The following KCTD16 variants were observed in gnomAD, a reference collection of about 807,000 sequenced individuals.
KCTD16 encodes the protein potassium channel tetramerization domain containing 16.
A neutral mutation model predicts 33.2 loss-of-function variants in KCTD16; 13 were observed. That is an observed-to-expected ratio of 0.39 (90% CI 0.25 to 0.62). The LOEUF is 0.62. Among genes scored for constraint, KCTD16 ranks in the 20% least tolerant of loss-of-function variants. The pLI, the probability that KCTD16 is intolerant of heterozygous loss-of-function variation, is 0.50. For missense variants in KCTD16, 441 were observed against 525.1 expected (o/e 0.84, Z 1.57); for synonymous variants, 197 against 195.3 (o/e 1.01, Z -0.07).
intron 3 of KCTD16, among the ~76,000 whole-genome samples, chr5:144,456,086 A>C (rs1157971377): frequency 6.6e-6 from 1 of 152,112 alleles, no homozygotes; most frequent in Non-Finnish European, 1.5e-5. Context: ...CACCTCCCTC[A>C]AATGATAGGA....
chr5:144,293,405 A>T (rs1755949097), intron 3 of KCTD16, among the ~76,000 whole-genome samples: 1 of 152,162 alleles, frequency 6.6e-6, no homozygotes, highest in Non-Finnish European at 1.5e-5. Context: ...GTCCATGTTC[A>T]TTGTCTCTAT....
At chr5:144,200,577 A>T (rs1285862240) in intron 2 of KCTD16, among the ~76,000 whole-genome samples, 4 of 152,242 alleles carry the variant, frequency 2.6e-5, no homozygotes, top group African/African-American at 9.6e-5. Context: ...ATTGGCCATG[A>T]TATCTCTTTA....
chr5:144,232,131 G>A (rs921157696), intron 3 of KCTD16, among the ~76,000 whole-genome samples: 1 of 152,138 alleles, frequency 6.6e-6, no homozygotes, highest in Admixed American at 6.6e-5. Context: ...AAGGACAAGA[G>A]TTTCCAATCA....
In KCTD16 at chr5:144,363,455, G is replaced by A. The variant is rs182212988; in HGVS notation, c.833-110205G>A. Among the ~76,000 whole-genome samples, 294 of 152,120 alleles carry A rather than the reference G, an allele frequency of 1.9e-3. 1 individual carries two copies. Among genetic ancestry groups the A allele is most frequent in the African/African-American group, 6.7e-3 (277 of 41,486 alleles). ...ATTGTATCTGATTTATCTCATCACC[G>A]TCCTTCTGCTTATGGTGGCCCCATT... On this transcript the variant is annotated intron_variant, in intron 3 of 3. Coordinates refer to ENST00000512467, the MANE Select transcript of KCTD16 (RefSeq NM_020768.4).
intron 3 of KCTD16, among the ~76,000 whole-genome samples, chr5:144,416,892 G>A (rs1403244894): frequency 6.6e-6 from 1 of 151,978 alleles, no homozygotes; most frequent in South Asian, 2.1e-4. Flanking sequence ...TGTGTGTGTG[G>A]CTTTTTTCCC....
At chr5:144,340,274 T>C (rs1752597095) in intron 3 of KCTD16, among the ~76,000 whole-genome samples, 1 of 151,576 alleles carries the variant, frequency 6.6e-6, no homozygotes, top group African/African-American at 2.4e-5. Context: ...TGGTGACGGG[T>C]ACCTATAGTC....
intron 3 of KCTD16, among the ~76,000 whole-genome samples, chr5:144,354,272 A>G (rs1561578090): frequency 6.6e-6 from 1 of 152,190 alleles, no homozygotes; most frequent in Non-Finnish European, 1.5e-5. Context: ...TGATAAGTTT[A>G]TTATATATGT....
At position 144,224,815 on chromosome 5, in the gene KCTD16, C is replaced by T. The variant is rs558397334; in HGVS notation, c.832+17269C>T. ...AGCTATCCTTACTGAATGCTATGTC[C>T]TGTGTCAAGTGTTCCTCATTTAATT... On this transcript the variant is annotated intron_variant, in intron 3 of 3. Transcript: ENST00000512467. Among the ~76,000 whole-genome samples the T allele has an allele frequency of 1.9e-3, 285 of 152,234 alleles. 1 individual carries two copies. The highest frequency in any genetic ancestry group is 3.4e-3 in the Middle Eastern group (1 of 294).
At chr5:144,365,032 T>C (rs944985499) in intron 3 of KCTD16, among the ~76,000 whole-genome samples, 2 of 152,096 alleles carry the variant, frequency 1.3e-5, no homozygotes, top group Non-Finnish European at 2.9e-5. Flanking sequence ...CATTTTTTTT[T>C]TTTTGCTTTT....
chr5:144,194,301 T>C (rs766435474), intron 2 of KCTD16, among the ~76,000 whole-genome samples: 4 of 152,204 alleles, frequency 2.6e-5, no homozygotes, highest in Admixed American at 6.5e-5. Flanking sequence ...ACTTGTCAAG[T>C]AGAAAATGTG....
intron 3 of KCTD16, among the ~76,000 whole-genome samples, chr5:144,259,774 A>G (rs1407756913): frequency 6.6e-6 from 1 of 152,226 alleles, no homozygotes; most frequent in African/African-American, 2.4e-5. Flanking sequence ...TTTGACAAAC[A>G]GATGCAAGTA....
At chr5:144,252,950 T>G (rs977955296) in intron 3 of KCTD16, among the ~76,000 whole-genome samples, 12 of 151,770 alleles carry the variant, frequency 7.9e-5, no homozygotes, top group Non-Finnish European at 1.5e-5. Context: ...GTGAATTGAT[T>G]GCTTTAAAAT....
chr5:144,427,258 A>G (rs1753353454), intron 3 of KCTD16, among the ~76,000 whole-genome samples: 1 of 149,258 alleles, frequency 6.7e-6, no homozygotes, highest in African/African-American at 2.5e-5. Flanking sequence ...AAGCGGGGGG[A>G]GGGGGGTGAG....
rs118179201 is a variant in KCTD16, at chr5:144,348,954, C to A, written c.833-124706C>A. On this transcript the variant is annotated intron_variant, in intron 3 of 3. Coordinates refer to ENST00000512467, the MANE Select transcript of KCTD16 (RefSeq NM_020768.4). ...AGTAGGTTCAGGGGGCTAAAGAAAT[C>A]CTGTGGGAAAGGCAAAAACGGGCCT... Among the ~76,000 whole-genome samples the A allele has an allele frequency of 1.5e-4, 23 of 152,174 alleles. No homozygotes were observed. In the East Asian group the frequency reaches 4.3e-3, roughly 28 times the overall value.
At chr5:144,432,000 G>T (rs57358361) in intron 3 of KCTD16, among the ~76,000 whole-genome samples, 1 of 151,954 alleles carries the variant, frequency 6.6e-6, no homozygotes, top group East Asian at 1.9e-4. Flanking sequence ...ATTTTCTAAT[G>T]CAATGAAAAG....
At chr5:144,434,476 G>A (rs1244630811) in intron 3 of KCTD16, among the ~76,000 whole-genome samples, 3 of 152,050 alleles carry the variant, frequency 2.0e-5, no homozygotes, top group Non-Finnish European at 4.4e-5. Flanking sequence ...ATAGATTACG[G>A]CAATCCTTTT....
intron 3 of KCTD16, among the ~76,000 whole-genome samples, chr5:144,379,149 C>G (rs75072914): frequency 6.6e-6 from 1 of 152,170 alleles, no homozygotes; most frequent in Non-Finnish European, 1.5e-5. Flanking sequence ...ATGCCTTTTA[C>G]GACTACCCAT....
chr5:144,263,889 T>A (rs1755074821), intron 3 of KCTD16, among the ~76,000 whole-genome samples: 1 of 152,234 alleles, frequency 6.6e-6, no homozygotes, highest in African/African-American at 2.4e-5. Context: ...AGCTACCTTT[T>A]CACTGTATCC....
intron 3 of KCTD16, among the ~76,000 whole-genome samples, chr5:144,323,869 A>G (rs1284880955): frequency 6.6e-6 from 1 of 152,162 alleles, no homozygotes; most frequent in Non-Finnish European, 1.5e-5. Context: ...GTGACTATAA[A>G]CAGATCACTT....
Sources: allele counts gnomAD v4.1 joint callset (sites outside exome capture counted in the v4.1 genomes callset), GRCh38; gene constraint gnomAD v4.1.1; transcripts MANE v1.5; gene names NCBI Gene and HGNC (gene_info 2026-07-23, HGNC 2026-07-21).